LRRFIP2: variants seen among roughly 807,000 people sequenced by gnomAD.
LRRFIP2 encodes the protein LRR binding FLII interacting protein 2.
In LRRFIP2, 109 loss-of-function variants were observed where a neutral mutation model predicts 125.9. That is an observed-to-expected ratio of 0.87 (90% confidence interval 0.74 to 1.01). LRRFIP2 has a LOEUF of 1.01. LRRFIP2 is among the 50% of genes least tolerant of loss of function. LRRFIP2 has a pLI of 0.00. For synonymous variants in LRRFIP2, 291 were observed against 293.1 expected (o/e 0.99, Z 0.07); for missense variants, 850 against 862.3 (o/e 0.99, Z 0.18).
intron 15 of LRRFIP2, among the ~76,000 whole-genome samples, chr3:37,098,134 C>T (rs1383664352): frequency 6.6e-6 from 1 of 152,094 alleles, no homozygotes; most frequent in African/African-American, 2.4e-5. Flanking sequence ...AGTATTACAT[C>T]AGTAATATAA....
At chr3:37,105,923 G>C (rs774267111) in intron 13 of LRRFIP2, among the ~76,000 whole-genome samples, 1 of 152,056 alleles carries the variant, frequency 6.6e-6, no homozygotes, top group Non-Finnish European at 1.5e-5. Flanking sequence ...AAATTAGCCG[G>C]GTATGGTGGC....
chr3:37,148,875 G>A lies in LRRFIP2; in HGVS notation c.90+19C>T, dbSNP rs201270924. On this transcript the variant is annotated intron_variant, in intron 2 of 27. Transcript: ENST00000336686. The stretch of plus-strand genomic sequence containing the variant: ...ACATCTGTGCAACTCAGTGTTGAGA[G>A]GGGATTTACCAAACATACCTCTCTG... 4 of 1,613,822 alleles carry A rather than the reference G, an allele frequency of 2.5e-6. No homozygotes were observed. The highest frequency in any genetic ancestry group is 3.3e-5 in the Admixed American group (2 of 60,014).
At chr3:37,071,467 C>T (rs1161047027) in intron 21 of LRRFIP2, among the ~76,000 whole-genome samples, 1 of 148,384 alleles carries the variant, frequency 6.7e-6, no homozygotes, top group Non-Finnish European at 1.5e-5. Context: ...TGGCCTCAAG[C>T]GATCCTCCGT....
At chr3:37,141,375 T>C (rs2095695214) in intron 2 of LRRFIP2, among the ~76,000 whole-genome samples, 1 of 152,084 alleles carries the variant, frequency 6.6e-6, no homozygotes, top group Non-Finnish European at 1.5e-5. Context: ...CTCCTCCCAT[T>C]CCCTAGCCCC....
intron 2 of LRRFIP2, chr3:37,134,738 G>T: frequency 1.3e-6 from 1 of 782,102 alleles, no homozygotes; most frequent in South Asian, 1.3e-5. Context: ...GTCCAGTTGA[G>T]GATGGTATGT....
chr3:37,146,310 A>G (rs1046512937), intron 2 of LRRFIP2, among the ~76,000 whole-genome samples: 1 of 152,072 alleles, frequency 6.6e-6, no homozygotes, highest in Admixed American at 6.5e-5. Context: ...AAAATATCTC[A>G]CTGATTTTTA....
At chr3:37,093,415 C>G (rs772054079) in intron 17 of LRRFIP2, among the ~76,000 whole-genome samples, 1 of 152,150 alleles carries the variant, frequency 6.6e-6, no homozygotes, top group South Asian at 2.1e-4. Context: ...ACTGGTTCAA[C>G]CCAACCAAAG....
Position 37,134,695 on chromosome 3 carries a change from T to A in LRRFIP2, c.91-5546A>T, listed in dbSNP as rs991993527. Reference sequence around the variant, plus strand: ...CAGATTAATAAGGAACTTAGTGATTTGGCCCATGACCCTCCAGCACAATGT... The same window carrying A: ...CAGATTAATAAGGAACTTAGTGATTAGGCCCATGACCCTCCAGCACAATGT... On this transcript the variant is annotated intron_variant, in intron 2 of 27. Transcript: ENST00000336686. 5.4e-6 allele frequency: 4 copies of A among 740,204 alleles called. No individual in the cohort carries two copies. In the Admixed American group the frequency reaches 7.1e-5, roughly 13 times the overall value. 45.9% of individuals were successfully genotyped at this position (740,204 alleles called of 1,614,324 possible).
chr3:37,159,562 A>C (rs950586362), intron 1 of LRRFIP2, among the ~76,000 whole-genome samples: 2 of 151,944 alleles, frequency 1.3e-5, no homozygotes, highest in Admixed American at 6.6e-5. Flanking sequence ...GTTGGAGTGC[A>C]GTGGTGCGAT....
At chr3:37,159,814 C>G (rs71323617) in intron 1 of LRRFIP2, among the ~76,000 whole-genome samples, 1 of 143,740 alleles carries the variant, frequency 7.0e-6, no homozygotes, top group African/African-American at 2.6e-5. Context: ...GCCTGAGTTT[C>G]TCAATTTCTG....
At position 37,148,939 on chromosome 3, in the gene LRRFIP2, G is replaced by T. The variant is rs1362335622; in HGVS notation, c.45C>A (p.Asp15Glu). 1 of 1,614,032 alleles carries T rather than the reference G, an allele frequency of 6.2e-7. No individual in the cohort carries two copies. The highest frequency in any genetic ancestry group is 8.5e-7 in the Non-Finnish European group (1 of 1,179,970). The change falls in exon 2 of 28, where the codon GAC becomes GAA. Residue 15 changes from aspartate (D) to glutamate (E), a missense_variant. Coordinates refer to ENST00000336686, the MANE Select transcript of LRRFIP2 (RefSeq NM_006309.4). ...ASGRKRTPVK[D>E]RFSAEDEALS... ...AAGCTTCATCTTCTGCAGAAAATCG[G>T]TCTTTCACAGGTGTTCTTTTCCTTC...
At chr3:37,087,588 GCTT>G (rs1181152425) in intron 18 of LRRFIP2, among the ~76,000 whole-genome samples, 2 of 151,362 alleles carry the variant, frequency 1.3e-5, no homozygotes, top group South Asian at 2.1e-4. Flanking sequence ...TTACTTAAAT[GCTT>G]CTTTTTTTTT....
intron 16 of LRRFIP2, among the ~76,000 whole-genome samples, chr3:37,095,639 TTTA>T (rs1382578407): frequency 2.0e-5 from 3 of 152,088 alleles, no homozygotes; most frequent in Non-Finnish European, 4.4e-5. Context: ...ATTTATTATT[TTTA>T]TTATTTTTTT....
intron 19 of LRRFIP2, among the ~76,000 whole-genome samples, chr3:37,081,696 C>A (rs1019774393): frequency 1.3e-5 from 2 of 151,024 alleles, no homozygotes; most frequent in African/African-American, 4.9e-5. Context: ...CCAGCCTGGG[C>A]AACATGGTGA....
At chr3:37,105,269 C>T (rs1166748170) in intron 14 of LRRFIP2, among the ~76,000 whole-genome samples, 186 bp downstream of exon 14, 2 of 152,170 alleles carry the variant, frequency 1.3e-5, no homozygotes, top group Non-Finnish European at 2.9e-5. Context: ...TTAATGAAAG[C>T]TTGCACAGCC....
At chr3:37,074,941 C>CTG in intron 20 of LRRFIP2, 83 bp downstream of exon 20, 6 of 722,806 alleles carry the variant, frequency 8.3e-6, no homozygotes, top group Non-Finnish European at 1.2e-5. Context: ...TGCATCTTAA[C>CTG]TCTCCTTCCC....
chr3:37,125,194 C>T (rs1197906157), intron 4 of LRRFIP2, among the ~76,000 whole-genome samples: 1 of 152,154 alleles, frequency 6.6e-6, no homozygotes, highest in African/African-American at 2.4e-5. Context: ...ATATACCTGG[C>T]CATCTTTTCT....
At position 37,060,924 on chromosome 3, in the gene LRRFIP2, G is replaced by A. The variant is rs2088463770; in HGVS notation, c.1750-2014C>T. Among the ~76,000 whole-genome samples the A allele has an allele frequency of 6.6e-6, 1 of 151,938 alleles. No individual in the cohort carries two copies. The highest frequency in any genetic ancestry group is 6.6e-5 in the Admixed American group (1 of 15,212). On this transcript the variant is annotated intron_variant, in intron 24 of 27. Coordinates refer to ENST00000336686, the MANE Select transcript of LRRFIP2 (RefSeq NM_006309.4). This position sits in a 1 kb window ranked among gnomAD's most constrained non-coding sequence, Gnocchi z 4.1. ...TCTGGTATATCTCCTCTTACGGTTT[G>A]GATGTCTGTCCCCTCCAAATCTCAT...
chr3:37,149,856 C>G (rs571779783), intron 1 of LRRFIP2, among the ~76,000 whole-genome samples: 5 of 151,662 alleles, frequency 3.3e-5, no homozygotes, highest in African/African-American at 1.2e-4. Context: ...CAAAAATTAG[C>G]CAGGCATGGT....
Sources: gnomAD v4.1 joint callset for allele counts (sites outside exome capture counted in the v4.1 genomes callset) on GRCh38, gnomAD v4.1.1 for gene constraint, Gnocchi (gnomAD v3.1) non-coding constraint, MANE v1.5 for transcripts, NCBI Gene and HGNC (gene_info 2026-07-23, HGNC 2026-07-21) for gene names.